SLC9A9: variants seen among roughly 807,000 people sequenced by gnomAD.
The protein encoded by SLC9A9 is solute carrier family 9 member A9.
In SLC9A9, 62 loss-of-function variants were observed where a neutral mutation model predicts 77.8. The ratio of observed to expected loss-of-function variants is 0.80; its 90% confidence interval spans 0.65 to 0.98. The LOEUF (loss-of-function observed/expected upper bound fraction) is 0.98, where lower values mean the gene tolerates loss of function less well. SLC9A9 is among the 50% of genes least tolerant of loss of function. SLC9A9 has a pLI of 0.00. For missense variants in SLC9A9, 775 were observed against 774.9 expected (o/e 1.00, Z 0.00); for synonymous variants, 320 against 283.5 (o/e 1.13, Z -1.29).
At chr3:143,795,109 C>T (rs928165042) in intron 3 of SLC9A9, 32 bp from the exon 4 acceptor site, 8 of 1,578,210 alleles carry the variant, frequency 5.1e-6, no homozygotes, top group Middle Eastern at 1.7e-4. Flanking sequence ...TAATAGAGTA[C>T]ATCAGAATTT....
intron 4 of SLC9A9, among the ~76,000 whole-genome samples, chr3:143,762,635 C>G (rs2007171593): frequency 6.6e-6 from 1 of 152,114 alleles, no homozygotes. Context: ...ATTATTTTCT[C>G]AAGTTTATCT....
chr3:143,502,546 C>T (rs993238290), intron 9 of SLC9A9, among the ~76,000 whole-genome samples: 4 of 151,922 alleles, frequency 2.6e-5, no homozygotes, highest in African/African-American at 7.3e-5. Context: ...TCTATCCACA[C>T]AAAAAAATGT....
intron 12 of SLC9A9, among the ~76,000 whole-genome samples, chr3:143,464,140 G>A (rs1016188872): frequency 2.0e-5 from 3 of 152,124 alleles, no homozygotes; most frequent in Non-Finnish European, 4.4e-5. Flanking sequence ...TCAATATCAC[G>A]TTTGTCTTCG....
intron 9 of SLC9A9, among the ~76,000 whole-genome samples, chr3:143,518,479 T>A (rs576781938): frequency 6.6e-6 from 1 of 152,350 alleles, no homozygotes; most frequent in South Asian, 2.1e-4. Flanking sequence ...TCAGAATTGC[T>A]CTTTACTCCT....
intron 12 of SLC9A9, among the ~76,000 whole-genome samples, chr3:143,391,150 C>T (rs1223498610): frequency 6.6e-6 from 1 of 152,252 alleles, no homozygotes; most frequent in Non-Finnish European, 1.5e-5. Context: ...ACAGATATGC[C>T]TCCTCAAGTG....
intron 9 of SLC9A9, among the ~76,000 whole-genome samples, chr3:143,508,299 A>G (rs979381228): frequency 6.6e-6 from 1 of 152,198 alleles, no homozygotes; most frequent in Non-Finnish European, 1.5e-5. Context: ...TGCCAACCCA[A>G]TCCCTTGATA....
At chr3:143,277,146 A>G (rs900086756) in intron 14 of SLC9A9, among the ~76,000 whole-genome samples, 7 of 152,238 alleles carry the variant, frequency 4.6e-5, no homozygotes, top group Non-Finnish European at 8.8e-5. Context: ...CTAGGATACC[A>G]AAGCAACCAG....
chr3:143,704,157 TGCC>T (rs1933887152), intron 4 of SLC9A9, among the ~76,000 whole-genome samples: 1 of 152,104 alleles, frequency 6.6e-6, no homozygotes, highest in South Asian at 2.1e-4. Flanking sequence ...AAAGAACTAA[TGCC>T]AACTCTGCTC....
At position 143,306,102 on chromosome 3, in the gene SLC9A9, C is replaced by A. The variant is rs528782539; in HGVS notation, c.1605-37122G>T. On this transcript the variant is annotated intron_variant, in intron 14 of 15. Coordinates refer to ENST00000316549, the MANE Select transcript of SLC9A9 (RefSeq NM_173653.4). ...AAAATGTGAGACTGACAAATATGAA[C>A]ATTATTCTCCTTATCGTTCTAATCT... Among the ~76,000 whole-genome samples the A allele has an allele frequency of 1.6e-3, 237 of 151,870 alleles. 1 individual carries two copies. The highest frequency in any genetic ancestry group is 5.4e-3 in the African/African-American group (222 of 41,418).
chr3:143,488,859 C>G (rs2035696063), intron 11 of SLC9A9, among the ~76,000 whole-genome samples: 1 of 151,890 alleles, frequency 6.6e-6, no homozygotes, highest in Admixed American at 6.6e-5. Flanking sequence ...TTGACCACTT[C>G]TATTTAACAT....
intron 12 of SLC9A9, 89 bp from the exon 13 acceptor site, chr3:143,382,203 T>C: frequency 7.4e-7 from 1 of 1,350,982 alleles, no homozygotes; most frequent in South Asian, 1.2e-5. Flanking sequence ...CCAAACACAA[T>C]GTGAATCTGA....
chr3:143,370,600 C>T (rs891614013), intron 13 of SLC9A9, among the ~76,000 whole-genome samples: 1 of 151,258 alleles, frequency 6.6e-6, no homozygotes, highest in African/African-American at 2.4e-5. Flanking sequence ...CACACACACA[C>T]ACCCTAACAA....
chr3:143,368,246 G>C (rs576165569), intron 13 of SLC9A9, among the ~76,000 whole-genome samples: 28 of 152,170 alleles, frequency 1.8e-4, no homozygotes, highest in Admixed American at 3.3e-4. Context: ...ACACCCTCTA[G>C]AGAGGGAGCA....
intron 2 of SLC9A9, among the ~76,000 whole-genome samples, chr3:143,824,827 G>A (rs894283316): frequency 1.3e-5 from 2 of 152,314 alleles, no homozygotes; most frequent in Middle Eastern, 3.4e-3. Flanking sequence ...TGCCAAAAAT[G>A]TTGAATGAAA....
At chr3:143,390,663 C>T (rs535030167) in intron 12 of SLC9A9, among the ~76,000 whole-genome samples, 1 of 152,190 alleles carries the variant, frequency 6.6e-6, no homozygotes, top group Admixed American at 6.5e-5. Context: ...GTCGCCTCAC[C>T]CGGGAAGTGC....
chr3:143,620,421 G>C (rs2038181808), intron 6 of SLC9A9: 1 of 152,282 alleles, frequency 6.6e-6, no homozygotes, highest in Non-Finnish European at 1.5e-5. Context: ...ATCAGCAGGG[G>C]GCTGGGCTGT....
chr3:143,513,227 G>A (rs777429170), intron 9 of SLC9A9, among the ~76,000 whole-genome samples: 31 of 152,084 alleles, frequency 2.0e-4, no homozygotes, highest in African/African-American at 4.3e-4. Flanking sequence ...CAAACTCTGC[G>A]GCTGCTTTAT....
At chr3:143,559,029 G>A (rs1324347538) in intron 8 of SLC9A9, among the ~76,000 whole-genome samples, 2 of 152,082 alleles carry the variant, frequency 1.3e-5, no homozygotes, top group South Asian at 4.2e-4. Flanking sequence ...CACTAGATCT[G>A]ATGATTTTAT....
chr3:143,382,721 A>C (rs1258413082), intron 12 of SLC9A9, among the ~76,000 whole-genome samples: 1 of 152,258 alleles, frequency 6.6e-6, no homozygotes, highest in African/African-American at 2.4e-5. Context: ...TAAAGCTGGC[A>C]AATGCAATAG....
Sources: gnomAD v4.1 joint callset for allele counts (sites outside exome capture counted in the v4.1 genomes callset) on GRCh38, gnomAD v4.1.1 for gene constraint, MANE v1.5 for transcripts, NCBI Gene and HGNC (gene_info 2026-07-23, HGNC 2026-07-21) for gene names.